The following ZSWIM5 variants were observed in gnomAD, a reference collection of about 807,000 sequenced individuals.
The protein encoded by ZSWIM5 is zinc finger SWIM-type containing 5, also known as zinc finger SWIM domain-containing protein 5.
Under a neutral mutation model 119.6 loss-of-function variants are expected in ZSWIM5, and 55 were observed. That is an observed-to-expected ratio of 0.46 (90% CI 0.37 to 0.58). The LOEUF is 0.58. ZSWIM5 is among the 20% of genes least tolerant of loss of function. ZSWIM5 has a pLI of 0.00. For missense variants in ZSWIM5, 1,193 were observed against 1,512.8 expected (o/e 0.79, Z 3.51); for synonymous variants, 537 against 606.9 (o/e 0.88, Z 1.69).
At position 45,088,962 on chromosome 1, in the gene ZSWIM5, TTTA is replaced by T. The variant is rs1645347850; in HGVS notation, c.596-728_596-726del. The stretch of plus-strand genomic sequence containing the variant: ...ATCAATTCTATAATATTAATTATGC[TTTA>T]TTATTATTTTTATCTCTGGGGTCTT... On this transcript the variant is annotated intron_variant, in intron 1 of 13. Transcript: ENST00000359600. The surrounding 1 kb of genome is among the most constrained non-coding windows in gnomAD (Gnocchi z 4.2). 6.6e-6 allele frequency among the ~76,000 whole-genome samples: 1 copy of T among 152,168 alleles called. No individual in the cohort carries two copies. Among genetic ancestry groups the T allele is most frequent in the African/African-American group, 2.4e-5 (1 of 41,420 alleles).
chr1:45,064,876 A>G (rs1645174364), intron 2 of ZSWIM5, among the ~76,000 whole-genome samples: 1 of 152,198 alleles, frequency 6.6e-6, no homozygotes, highest in African/African-American at 2.4e-5. Context: ...CTACAAGGCT[A>G]TACTTTGGCC....
chr1:45,058,782 G>C lies in ZSWIM5; in HGVS notation c.1102-23C>G, dbSNP rs762296157. The C allele has an allele frequency of 6.2e-6, 10 of 1,612,790 alleles. 1 individual carries two copies. The South Asian group carries it at 1.1e-4, about 18-fold the overall frequency. Reference sequence around the variant, plus strand: ...AACCTGACACATAAGAAGTGGCAAGGGATTGGTGATTGTGTATCACAAAAA... The same window carrying C: ...AACCTGACACATAAGAAGTGGCAAGCGATTGGTGATTGTGTATCACAAAAA... On this transcript the variant is annotated intron_variant, in intron 3 of 13. Coordinates refer to ENST00000359600, the MANE Select transcript of ZSWIM5 (RefSeq NM_020883.2).
At chr1:45,099,647 CA>C (rs1645425920) in intron 1 of ZSWIM5, among the ~76,000 whole-genome samples, 1 of 152,160 alleles carries the variant, frequency 6.6e-6, no homozygotes, top group Admixed American at 6.5e-5. Context: ...TGAAAATCCT[CA>C]ATAAAATACT....
chr1:45,154,649 A>T (rs1369891738), intron 1 of ZSWIM5, among the ~76,000 whole-genome samples: 1 of 152,150 alleles, frequency 6.6e-6, no homozygotes, highest in African/African-American at 2.4e-5. Flanking sequence ...TGGGAGACCG[A>T]GGTGGGTGGA....
At chr1:45,122,071 A>G (rs1368387687) in intron 1 of ZSWIM5, among the ~76,000 whole-genome samples, 2 of 152,216 alleles carry the variant, frequency 1.3e-5, no homozygotes, top group Non-Finnish European at 2.9e-5. Flanking sequence ...GTACACAATT[A>G]ATTACATTCT....
Position 45,067,580 on chromosome 1 carries a change from A to G in ZSWIM5, c.953-7333T>C, listed in dbSNP as rs74070844. ...AAGAAGAGGAGAAAATGTAAGATTA[A>G]TCTATAAGAAATGTCAATATTCAAA... On this transcript the variant is annotated intron_variant, in intron 2 of 13. Transcript: ENST00000359600. 6.8e-3 allele frequency among the ~76,000 whole-genome samples: 1,033 copies of G among 152,336 alleles called. 12 individuals carry two copies. Among genetic ancestry groups the G allele is most frequent in the African/African-American group, 0.022 (922 of 41,572 alleles).
chr1:45,130,383 C>CAT (rs1557774984), intron 1 of ZSWIM5, among the ~76,000 whole-genome samples: 1 of 151,966 alleles, frequency 6.6e-6, no homozygotes, highest in African/African-American at 2.4e-5. Context: ...CACACACACA[C>CAT]ACACACACAC....
At chr1:45,119,052 T>C (rs1376538729) in intron 1 of ZSWIM5, among the ~76,000 whole-genome samples, 1 of 152,162 alleles carries the variant, frequency 6.6e-6, no homozygotes, top group African/African-American at 2.4e-5. Flanking sequence ...TGGTTAAGAA[T>C]GGCCTAAAGA....
At position 45,058,588 on chromosome 1, in the gene ZSWIM5, CT is replaced by C. The variant is rs1645135864; in HGVS notation, c.1252+20del. 5.0e-6 allele frequency: 8 copies of C among 1,613,974 alleles called. No homozygotes were observed. The East Asian group carries it at 1.8e-4, about 36-fold the overall frequency. On this transcript the variant is annotated intron_variant, in intron 4 of 13. Transcript: ENST00000359600. The stretch of plus-strand genomic sequence containing the variant: ...GGCAAGATGGTAGAACAAAGCACTT[CT>C]CTGAATGATGGGAACTTACCTAGCT...
chr1:45,168,025 G>A (rs1212641601), intron 1 of ZSWIM5, among the ~76,000 whole-genome samples: 1 of 152,212 alleles, frequency 6.6e-6, no homozygotes, highest in South Asian at 2.1e-4. Context: ...ACATGCACAC[G>A]TATGTTTACT....
intron 1 of ZSWIM5, among the ~76,000 whole-genome samples, chr1:45,103,852 C>T (rs1006692162): frequency 9.2e-5 from 14 of 152,190 alleles, no homozygotes; most frequent in African/African-American, 3.1e-4. Context: ...GCAAGAAAGG[C>T]TCTAGTAAAG....
rs201607573 is a variant in ZSWIM5 at position 45,127,600 on chromosome 1, TA to T, written c.596-39364del. ...TGCACACCACGATGCCAGGCTAATT[TA>T]AAAAAAAAAATTTTTTTTTTAGAGA... On this transcript the variant is annotated intron_variant, in intron 1 of 13. Coordinates refer to ENST00000359600, the MANE Select transcript of ZSWIM5 (RefSeq NM_020883.2). Among the ~76,000 whole-genome samples the T allele has an allele frequency of 7.8e-3, 1,167 of 149,948 alleles. 20 individuals are homozygous for T. Among genetic ancestry groups the T allele is most frequent in the African/African-American group, 0.027 (1,114 of 40,996 alleles).
In ZSWIM5 at chr1:45,117,430, G is replaced by T. The variant is rs184965508; in HGVS notation, c.596-29193C>A. Among the ~76,000 whole-genome samples, 122 of 152,306 alleles carry T rather than the reference G, an allele frequency of 8.0e-4. 1 individual carries two copies. The highest frequency in any genetic ancestry group is 1.5e-3 in the Non-Finnish European group (99 of 68,016). On this transcript the variant is annotated intron_variant, in intron 1 of 13. Coordinates refer to ENST00000359600, the MANE Select transcript of ZSWIM5 (RefSeq NM_020883.2). ...TGGCTCACACCTATAATCCCAGAACGTTGGGAGGCCAAAGTGGGAGGACTG... is the reference window on the plus strand; with the variant it reads ...TGGCTCACACCTATAATCCCAGAACTTTGGGAGGCCAAAGTGGGAGGACTG...
chr1:45,055,469 G>A (rs1210104150), intron 4 of ZSWIM5, among the ~76,000 whole-genome samples: 1 of 152,112 alleles, frequency 6.6e-6, no homozygotes, highest in Non-Finnish European at 1.5e-5. Context: ...ATATTGAGAT[G>A]GCGACAACAA....
chr1:45,117,161 C>T (rs1337781791), intron 1 of ZSWIM5, among the ~76,000 whole-genome samples: 8 of 152,088 alleles, frequency 5.3e-5, no homozygotes, highest in Non-Finnish European at 8.8e-5. Context: ...AACCAAGACC[C>T]GAATCAGAAG....
At chr1:45,120,682 C>T (rs1645586141) in intron 1 of ZSWIM5, among the ~76,000 whole-genome samples, 1 of 151,696 alleles carries the variant, frequency 6.6e-6, no homozygotes, top group African/African-American at 2.4e-5. Flanking sequence ...CCCTATGTTG[C>T]CCAGGCTGGT....
At chr1:45,111,593 G>A (rs1645518779) in intron 1 of ZSWIM5, among the ~76,000 whole-genome samples, 1 of 152,392 alleles carries the variant, frequency 6.6e-6, no homozygotes, top group South Asian at 2.1e-4. Flanking sequence ...TCCTTCTGGA[G>A]GCTCTAGGGG....
At chr1:45,169,056 T>G (rs1025561306) in intron 1 of ZSWIM5, among the ~76,000 whole-genome samples, 2 of 152,080 alleles carry the variant, frequency 1.3e-5, no homozygotes, top group Non-Finnish European at 2.9e-5. Context: ...TCAAGCTAAC[T>G]TTCCACTATC....
intron 2 of ZSWIM5, among the ~76,000 whole-genome samples, chr1:45,065,433 G>C (rs571763189): frequency 1.3e-5 from 2 of 152,308 alleles, no homozygotes; most frequent in South Asian, 4.1e-4. Context: ...GTTTGAAGGG[G>C]TATGGAAAAA....
Sources: allele counts gnomAD v4.1 joint callset (sites outside exome capture counted in the v4.1 genomes callset), GRCh38; gene constraint gnomAD v4.1.1; non-coding constraint Gnocchi (gnomAD v3.1); transcripts MANE v1.5; gene names NCBI Gene and HGNC (gene_info 2026-07-23, HGNC 2026-07-21).